Variants in KALRN observed in about 807,000 individuals in gnomAD.
KALRN encodes kalirin.
KALRN carries 70 observed loss-of-function variants against 353.7 expected under a neutral mutation model. That is an observed-to-expected ratio of 0.20 (90% CI 0.16 to 0.24). The LOEUF (loss-of-function observed/expected upper bound fraction) is 0.24, where lower values mean the gene tolerates loss of function less well. Among genes scored for constraint, KALRN ranks in the 10% least tolerant of loss-of-function variants. The pLI is 1.00. For missense variants in KALRN, 2,791 were observed against 3,756.7 expected (o/e 0.74, Z 6.72); for synonymous variants, 1,391 against 1,434.8 (o/e 0.97, Z 0.69).
At chr3:124,147,125 G>A (rs182798409) in intron 1 of KALRN, among the ~76,000 whole-genome samples, 85 of 152,264 alleles carry the variant, frequency 5.6e-4, no homozygotes, top group African/African-American at 1.9e-3. Context: ...AAGGTCCCCA[G>A]GTTATCACAG....
rs150093308 is a variant in KALRN at position 124,329,221 on chromosome 3, A to T, written c.1285-640A>T. On this transcript the variant is annotated intron_variant, in intron 7 of 59. Coordinates refer to ENST00000682506, the MANE Select transcript of KALRN (RefSeq NM_001388419.1). ...AATAATTTGATGTCTGTCAAGATCT[A>T]TGTCTATATATCACAACCTGGGATG... 6.4e-3 allele frequency among the ~76,000 whole-genome samples: 972 copies of T among 152,316 alleles called. 7 individuals are homozygous for T. The highest frequency in any genetic ancestry group is 9.8e-3 in the Non-Finnish European group (669 of 68,016).
intron 10 of KALRN, among the ~76,000 whole-genome samples, chr3:124,352,626 A>C (rs2082947059): frequency 1.3e-5 from 2 of 152,164 alleles, no homozygotes; most frequent in South Asian, 4.1e-4. Context: ...TACTTTATTC[A>C]GTAATCTCTG....
chr3:124,087,929 T>C (rs147542506), intron 1 of KALRN, among the ~76,000 whole-genome samples: 102 of 152,332 alleles, frequency 6.7e-4, no homozygotes, highest in African/African-American at 2.4e-3. Context: ...TAAGATGAGT[T>C]ACAGTAAAAT....
At chr3:124,658,785 T>G (rs333300) in intron 42 of KALRN, among the ~76,000 whole-genome samples, 3 of 151,942 alleles carry the variant, frequency 2.0e-5, no homozygotes, top group Non-Finnish European at 4.4e-5. Context: ...AACACAGAGA[T>G]GGTTTGAGAA....
chr3:124,418,742 A>T lies in KALRN; in HGVS notation c.2543-4070A>T, dbSNP rs143764664. On this transcript the variant is annotated intron_variant, in intron 14 of 59. Coordinates refer to ENST00000682506, the MANE Select transcript of KALRN (RefSeq NM_001388419.1). ...TTAGCTGTGGCTTTTAGCCCTAAAG[A>T]AACACCAGTGCAGAGCATTCTGCTG... 3.5e-3 allele frequency among the ~76,000 whole-genome samples: 540 copies of T among 152,316 alleles called. 1 individual carries two copies. Among genetic ancestry groups the T allele is most frequent in the Middle Eastern group, 6.8e-3 (2 of 294 alleles).
At chr3:124,146,627 C>T (rs867850854) in intron 1 of KALRN, among the ~76,000 whole-genome samples, 2 of 152,104 alleles carry the variant, frequency 1.3e-5, no homozygotes, top group African/African-American at 4.8e-5. Flanking sequence ...CCTGTAATCC[C>T]AGCACTTTGG....
At chr3:124,489,424 A>G (rs1263051774) in intron 29 of KALRN, among the ~76,000 whole-genome samples, 1 of 152,162 alleles carries the variant, frequency 6.6e-6, no homozygotes, top group African/African-American at 2.4e-5. Flanking sequence ...TCTGGACTCC[A>G]TCCTACTCCG....
At chr3:124,526,581 T>A (rs560448634) in intron 33 of KALRN, among the ~76,000 whole-genome samples, 38 of 151,882 alleles carry the variant, frequency 2.5e-4, no homozygotes, top group African/African-American at 7.7e-4. Context: ...TCTCAAAAAA[T>A]AATAATAATA....
chr3:124,417,194 G>C (rs1284623505), intron 14 of KALRN, among the ~76,000 whole-genome samples: 3 of 152,202 alleles, frequency 2.0e-5, no homozygotes, highest in Non-Finnish European at 4.4e-5. Flanking sequence ...AGAGAAACAT[G>C]CTGGCTGAAT....
At chr3:124,458,651 T>C (rs1474329946) in intron 23 of KALRN, among the ~76,000 whole-genome samples, 1 of 152,176 alleles carries the variant, frequency 6.6e-6, no homozygotes, top group Non-Finnish European at 1.5e-5. Context: ...AAGCTTATAG[T>C]CAGGCAGGGC....
intron 1 of KALRN, among the ~76,000 whole-genome samples, chr3:124,194,214 A>G (rs796122113): frequency 5.9e-5 from 9 of 152,330 alleles, no homozygotes; most frequent in African/African-American, 2.2e-4. Flanking sequence ...GAGTATAATA[A>G]AAGAGCAGAA....
intron 33 of KALRN, among the ~76,000 whole-genome samples, chr3:124,507,300 TA>T (rs2065343471): frequency 6.6e-6 from 1 of 152,184 alleles, no homozygotes; most frequent in Non-Finnish European, 1.5e-5. Flanking sequence ...TGCATTAATT[TA>T]AAAAATTCTT....
chr3:124,647,381 C>T (rs1232625598), intron 37 of KALRN, among the ~76,000 whole-genome samples: 1 of 152,204 alleles, frequency 6.6e-6, no homozygotes, highest in Non-Finnish European at 1.5e-5. Flanking sequence ...GTACTCTGCC[C>T]ACACCAGGCT....
In KALRN at chr3:124,637,235, G is replaced by A. The variant is rs34157843; in HGVS notation, c.5596G>A (p.Ala1866Thr). ...CTCCTCTTTGCTAGCAGCCCGGCAGGCTTCCACTGAAGTACCTACTGCTGC... is the reference window on the plus strand; with the variant it reads ...CTCCTCTTTGCTAGCAGCCCGGCAGACTTCCACTGAAGTACCTACTGCTGC... ...MSSSLLAARQ[A>T]STEVPTAADL... Residue 1866 changes from alanine to threonine, a missense_variant, in exon 37 of 60, where the codon GCT becomes ACT. Physicochemically the swap from Ala to Thr is moderately conservative, Grantham distance 58. Coordinates refer to ENST00000682506, the MANE Select transcript of KALRN (RefSeq NM_001388419.1). 2.9e-3 allele frequency: 4,731 copies of A among 1,614,128 alleles called. 9 individuals are homozygous for A. Among genetic ancestry groups the A allele is most frequent in the Non-Finnish European group, 3.7e-3 (4,379 of 1,180,014 alleles).
At chr3:124,141,837 C>T (rs1214149582) in intron 1 of KALRN, among the ~76,000 whole-genome samples, 4 of 152,086 alleles carry the variant, frequency 2.6e-5, no homozygotes, top group East Asian at 1.9e-4. Context: ...GTTCCTTGCA[C>T]CCCTTTTTCC....
intron 36 of KALRN, among the ~76,000 whole-genome samples, chr3:124,636,119 T>A (rs535369602): frequency 6.6e-6 from 1 of 152,280 alleles, no homozygotes; most frequent in Non-Finnish European, 1.5e-5. Flanking sequence ...TTATAATTAT[T>A]TTCCTCCCAT....
intron 6 of KALRN, among the ~76,000 whole-genome samples, chr3:124,322,312 G>A (rs933000184): frequency 2.6e-5 from 4 of 152,184 alleles, no homozygotes; most frequent in East Asian, 3.9e-4. Flanking sequence ...TCATTAGGTC[G>A]ACTCCCTCAC....
At chr3:124,659,253 T>C in intron 42 of KALRN, 112 bp from the exon 43 acceptor site, 1 of 771,094 alleles carries the variant, frequency 1.3e-6, no homozygotes, top group South Asian at 1.5e-5. Flanking sequence ...TTAAAGATTC[T>C]TCAACTTCAT....
At chr3:124,399,242 G>A (rs1437521397) in intron 13 of KALRN, among the ~76,000 whole-genome samples, 1 of 152,130 alleles carries the variant, frequency 6.6e-6, no homozygotes, top group Non-Finnish European at 1.5e-5. Context: ...GGGTTCAAGC[G>A]ATTCTTCTGC....
Sources: allele counts gnomAD v4.1 joint callset (sites outside exome capture counted in the v4.1 genomes callset), GRCh38; gene constraint gnomAD v4.1.1; transcripts MANE v1.5; gene names NCBI Gene and HGNC (gene_info 2026-07-23, HGNC 2026-07-21).